The following RELN variants were observed in gnomAD, a reference collection of about 807,000 sequenced individuals.
The protein encoded by RELN is reelin.
Under a neutral mutation model 427.6 loss-of-function variants are expected in RELN, and 108 were observed. That is an observed-to-expected ratio of 0.25 (90% CI 0.22 to 0.30). The LOEUF (loss-of-function observed/expected upper bound fraction) is 0.30, where lower values mean the gene tolerates loss of function less well. Ranked by LOEUF, RELN falls within the 10% of genes least tolerant of loss-of-function variation. RELN has a pLI of 1.00. For missense variants in RELN, 3,715 were observed against 4,302.8 expected (o/e 0.86, Z 3.82); for synonymous variants, 1,524 against 1,513.4 (o/e 1.01, Z -0.16).
rs571868496 is a variant in RELN, at chr7:103,934,311, T to A, written c.227-17126A>T. Among the ~76,000 whole-genome samples the A allele has an allele frequency of 4.6e-5, 7 of 152,336 alleles. No individual in the cohort carries two copies. In the South Asian group the frequency reaches 1.0e-3, roughly 23 times the overall value. ...ATCTAGGCATTTGTCTCCCACTTCC[T>A]CATATTCAATGAGAATTGCATGCCT... On this transcript the variant is annotated intron_variant, in intron 1 of 64. Coordinates refer to ENST00000428762, the MANE Select transcript of RELN (RefSeq NM_005045.4).
At chr7:103,806,783 C>G (rs2116327418) in intron 3 of RELN, among the ~76,000 whole-genome samples, 1 of 152,296 alleles carries the variant, frequency 6.6e-6, no homozygotes, top group South Asian at 2.1e-4. Context: ...TCAAGTACTA[C>G]TACAACTAAA....
At chr7:103,776,982 A>G (rs1417082395) in intron 3 of RELN, among the ~76,000 whole-genome samples, 1 of 152,230 alleles carries the variant, frequency 6.6e-6, no homozygotes, top group African/African-American at 2.4e-5. Context: ...CAATATTGAT[A>G]TTAGTACTGG....
At chr7:103,900,946 A>C (rs1201264201) in intron 2 of RELN, among the ~76,000 whole-genome samples, 1 of 149,808 alleles carries the variant, frequency 6.7e-6, no homozygotes, top group Non-Finnish European at 1.5e-5. Flanking sequence ...AGATGTAAAT[A>C]GATGTTCTTT....
chr7:103,648,820 C>G (rs1339943935), intron 16 of RELN, among the ~76,000 whole-genome samples: 1 of 151,894 alleles, frequency 6.6e-6, no homozygotes, highest in African/African-American at 2.4e-5. Flanking sequence ...TACAAATGAC[C>G]AACAGGTATA....
At chr7:103,922,869 C>A (rs1795646513) in intron 1 of RELN, among the ~76,000 whole-genome samples, 1 of 151,378 alleles carries the variant, frequency 6.6e-6, no homozygotes, top group Admixed American at 6.6e-5. Context: ...CTACTTTATA[C>A]AAAAGACCTT....
chr7:103,656,196 A>AT (rs1833019273), intron 12 of RELN, among the ~76,000 whole-genome samples: 1 of 152,096 alleles, frequency 6.6e-6, no homozygotes, highest in African/African-American at 2.4e-5. Context: ...TAAATTAATA[A>AT]TTTAAATAAC....
chr7:103,913,462 T>C (rs1451179276), intron 2 of RELN, among the ~76,000 whole-genome samples: 3 of 152,182 alleles, frequency 2.0e-5, no homozygotes, highest in African/African-American at 2.4e-5. Context: ...AGTCAGAGAC[T>C]AATGATAGAT....
chr7:103,520,954 G>GTTTTTTTTTTTTTTTTTTTTTTTTT (rs1462369530), intron 48 of RELN, among the ~76,000 whole-genome samples: 1 of 78,188 alleles, frequency 1.3e-5, no homozygotes. Context: ...CAGTAAATTT[G>GTTTTTTTTTTTTTTTTTTTTTTTTT]TTATTTTTTT....
At chr7:103,516,446 C>A (rs1214877174) in intron 49 of RELN, among the ~76,000 whole-genome samples, 2 of 152,022 alleles carry the variant, frequency 1.3e-5, no homozygotes, top group African/African-American at 4.8e-5. Context: ...TGCCAACATG[C>A]CTGGATAATT....
At chr7:103,788,703 G>A (rs1047971965) in intron 3 of RELN, among the ~76,000 whole-genome samples, 1 of 152,098 alleles carries the variant, frequency 6.6e-6, no homozygotes, top group Non-Finnish European at 1.5e-5. Context: ...CAAACAAATG[G>A]AAAATCATTC....
At chr7:103,513,630 T>TTA (rs1179739022) in intron 50 of RELN, 3 of 152,148 alleles carry the variant, frequency 2.0e-5, no homozygotes, top group African/African-American at 4.8e-5. Context: ...ATATTTGCTG[T>TTA]TACGTTATGC....
At chr7:103,596,709 G>A (rs370200097) in intron 24 of RELN, 48 bp from the exon 25 acceptor site, 2 of 1,549,324 alleles carry the variant, frequency 1.3e-6, no homozygotes, top group Non-Finnish European at 1.8e-6. Flanking sequence ...GGAGTTCTTT[G>A]GCATTTTGTT....
rs79299842 is a variant in RELN, at chr7:103,932,552, A to G, written c.227-15367T>C. Among the ~76,000 whole-genome samples the G allele has an allele frequency of 6.5e-3, 996 of 152,340 alleles. 14 individuals are homozygous for G. The highest frequency in any genetic ancestry group is 0.054 in the East Asian group (280 of 5,180). On this transcript the variant is annotated intron_variant, in intron 1 of 64. Transcript: ENST00000428762. ...CCTGAACCTAAAATAAAAGCTTTAA[A>G]AAGGGTTGCTAGGCAACCATGCTGA...
At chr7:103,920,418 A>G (rs973847398) in intron 1 of RELN, among the ~76,000 whole-genome samples, 3 of 152,138 alleles carry the variant, frequency 2.0e-5, no homozygotes, top group South Asian at 4.1e-4. Flanking sequence ...CCTTTCCAAG[A>G]TTATCAGTCA....
Position 103,503,192 on chromosome 7 carries a change from C to G in RELN, c.8313G>C (p.Gln2771His). 1 of 1,614,166 alleles carries G rather than the reference C, an allele frequency of 6.2e-7. No individual in the cohort carries two copies. The highest frequency in any genetic ancestry group is 2.2e-5 in the East Asian group (1 of 44,882). Residue 2771 changes from glutamine to histidine, a missense_variant, in exon 52 of 65, where the codon CAG becomes CAC. By Grantham distance (24) the Gln-to-His change is conservative (BLOSUM62 0). Around this residue, in one of 4 missense-constraint regions of RELN, gnomAD observed 1,310 missense variants for 1,643.0 expected, o/e 0.80. Transcript: ENST00000428762. ...VGCKVSEKIA[Q>H]NQIHVQYSTD... is the part of the protein sequence containing the mutation. Reference sequence around the variant, plus strand: ...TAGAATACTGCACATGAATTTGATTCTGGGCAATTTTTTCAGACACCTTAC... The same window carrying G: ...TAGAATACTGCACATGAATTTGATTGTGGGCAATTTTTTCAGACACCTTAC...
intron 48 of RELN, among the ~76,000 whole-genome samples, chr7:103,520,695 C>T (rs970401175): frequency 6.6e-6 from 1 of 152,132 alleles, no homozygotes; most frequent in Non-Finnish European, 1.5e-5. Flanking sequence ...TTAATGGCAT[C>T]TGTATTAATT....
chr7:103,904,500 C>T (rs1255331175), intron 2 of RELN, among the ~76,000 whole-genome samples: 3 of 152,144 alleles, frequency 2.0e-5, no homozygotes, highest in Non-Finnish European at 4.4e-5. Flanking sequence ...TATTTCTCCA[C>T]AGCCACACCA....
At chr7:103,564,264 A>C (rs1175399890) in intron 34 of RELN, among the ~76,000 whole-genome samples, 1 of 152,244 alleles carries the variant, frequency 6.6e-6, no homozygotes, top group Admixed American at 6.5e-5. Context: ...TTGGTTGTAC[A>C]TGTCTGGATC....
chr7:103,600,018 T>C (rs1413442988), intron 24 of RELN, among the ~76,000 whole-genome samples: 4 of 152,066 alleles, frequency 2.6e-5, no homozygotes, highest in Non-Finnish European at 1.5e-5. Flanking sequence ...TGCCTCATTC[T>C]CCTGAGTAGT....
Sources: allele counts gnomAD v4.1 joint callset (sites outside exome capture counted in the v4.1 genomes callset), GRCh38; gene constraint gnomAD v4.1.1; regional missense constraint gnomAD v4.1.1; transcripts MANE v1.5; gene names NCBI Gene and HGNC (gene_info 2026-07-23, HGNC 2026-07-21).